Variants in WWOX observed in about 807,000 individuals in gnomAD.
WWOX encodes WW domain containing oxidoreductase, also known as WW domain-containing oxidoreductase.
In WWOX, 69 loss-of-function variants were observed where a neutral mutation model predicts 46.2. The ratio of observed to expected loss-of-function variants is 1.49; its 90% CI spans 1.23 to 1.82. The LOEUF is 1.82. Ranked by LOEUF, WWOX falls within the 40% of genes most tolerant of loss-of-function variation. The pLI is 0.00. For missense variants in WWOX, 919 were observed against 542.6 expected (o/e 1.69, Z -6.89); for synonymous variants, 359 against 202.6 (o/e 1.77, Z -6.56).
intron 6 of WWOX, among the ~76,000 whole-genome samples, chr16:78,400,806 A>G (rs1413233023): frequency 6.6e-6 from 1 of 152,204 alleles, no homozygotes; most frequent in Non-Finnish European, 1.5e-5. Context: ...CAACACTACA[A>G]TTCATATATC....
chr16:78,677,236 G>A (rs2738619), intron 8 of WWOX, among the ~76,000 whole-genome samples: 2 of 152,144 alleles, frequency 1.3e-5, no homozygotes, highest in South Asian at 2.1e-4. Flanking sequence ...CCCGGCCTCA[G>A]GGTATAGGGG....
At chr16:78,303,353 G>A (rs188503691) in intron 5 of WWOX, among the ~76,000 whole-genome samples, 19 of 152,194 alleles carry the variant, frequency 1.2e-4, no homozygotes, top group African/African-American at 4.6e-4. Flanking sequence ...ATGCGCTTTA[G>A]GTACCAGCCT....
At chr16:78,541,963 G>A (rs1181335412) in intron 8 of WWOX, among the ~76,000 whole-genome samples, 2 of 139,018 alleles carry the variant, frequency 1.4e-5, no homozygotes, top group African/African-American at 5.4e-5. Context: ...TATTTGCATG[G>A]ATTGGTGTCA....
chr16:78,489,937 C>T (rs2151459862), intron 8 of WWOX, among the ~76,000 whole-genome samples: 1 of 152,242 alleles, frequency 6.6e-6, no homozygotes, highest in African/African-American at 2.4e-5. Flanking sequence ...CTGGGGTAAG[C>T]TCTAACAAAG....
At chr16:79,055,625 A>G (rs942514963) in intron 8 of WWOX, among the ~76,000 whole-genome samples, 1 of 152,170 alleles carries the variant, frequency 6.6e-6, no homozygotes, top group Non-Finnish European at 1.5e-5. Context: ...AGAATAAACA[A>G]TTGCTATTTT....
intron 8 of WWOX, among the ~76,000 whole-genome samples, chr16:79,041,027 C>G (rs2047961328): frequency 6.6e-6 from 1 of 151,880 alleles, no homozygotes. Context: ...GTGCATTTCA[C>G]CGTTCTGAGC....
intron 6 of WWOX, among the ~76,000 whole-genome samples, chr16:78,412,486 A>T (rs1163370382): frequency 6.6e-6 from 1 of 152,182 alleles, no homozygotes; most frequent in African/African-American, 2.4e-5. Context: ...AAACTGCTGC[A>T]GGGAAGATTT....
At chr16:78,745,882 A>C (rs74474263) in intron 8 of WWOX, among the ~76,000 whole-genome samples, 5 of 152,036 alleles carry the variant, frequency 3.3e-5, no homozygotes, top group Non-Finnish European at 5.9e-5. Flanking sequence ...ATTGTATTTT[A>C]ATACTAGGAA....
At chr16:79,183,404 C>T (rs1017723377) in intron 8 of WWOX, among the ~76,000 whole-genome samples, 2 of 152,304 alleles carry the variant, frequency 1.3e-5, no homozygotes, top group East Asian at 3.9e-4. Flanking sequence ...AATGCTAGCG[C>T]AGATGACGTT....
chr16:78,884,085 C>T (rs970466266), intron 8 of WWOX, among the ~76,000 whole-genome samples: 2 of 151,942 alleles, frequency 1.3e-5, no homozygotes, highest in Non-Finnish European at 2.9e-5. Context: ...TCAAGACCAG[C>T]TGGGCCAACA....
intron 8 of WWOX, among the ~76,000 whole-genome samples, chr16:78,908,479 G>A (rs1289000658): frequency 6.6e-6 from 1 of 151,204 alleles, no homozygotes; most frequent in African/African-American, 2.4e-5. Flanking sequence ...GGCAGAGGCT[G>A]CAGTGAGTCG....
Position 79,074,409 on chromosome 16 carries a change from C to CT in WWOX, c.1057-137166dup, listed in dbSNP as rs60074156. 7.2e-3 allele frequency among the ~76,000 whole-genome samples: 223 copies of CT among 30,976 alleles called. 10 individuals carry two copies. Among genetic ancestry groups the CT allele is most frequent in the East Asian group, 0.046 (33 of 724 alleles). The allele number at this position is 30,976 out of a possible 152,430, so 20.3% of individuals were successfully genotyped here. A position where few individuals can be genotyped will look rare whatever the true frequency, so the allele number is the denominator to read the frequency against. ...CATCCTGACTGAAATGTCACTAGTC[C>CT]TTTTTTTTTTTTTTTTTTTTTTTTT... is the stretch of plus-strand genomic sequence containing the variant. On this transcript the variant is annotated intron_variant, in intron 8 of 8. Coordinates refer to ENST00000566780, the MANE Select transcript of WWOX (RefSeq NM_016373.4).
intron 8 of WWOX, among the ~76,000 whole-genome samples, chr16:78,527,376 C>T (rs1471896872): frequency 6.6e-6 from 1 of 151,618 alleles, no homozygotes; most frequent in African/African-American, 2.4e-5. Flanking sequence ...TCACTGCCAC[C>T]TCTGCCTCCT....
intron 8 of WWOX, among the ~76,000 whole-genome samples, chr16:78,529,757 A>G (rs752378082): frequency 1.3e-5 from 2 of 152,128 alleles, no homozygotes; most frequent in Non-Finnish European, 2.9e-5. Context: ...GTGAGCCACC[A>G]TGCCCAGCCC....
intron 8 of WWOX, among the ~76,000 whole-genome samples, chr16:78,796,914 C>T (rs1289682826): frequency 1.3e-5 from 2 of 151,756 alleles, no homozygotes; most frequent in African/African-American, 2.4e-5. Flanking sequence ...CAAATTCTGC[C>T]TGCTAAGATC....
At chr16:78,436,632 T>C (rs773980491) in intron 8 of WWOX, among the ~76,000 whole-genome samples, 3 of 152,172 alleles carry the variant, frequency 2.0e-5, no homozygotes, top group Non-Finnish European at 4.4e-5. Flanking sequence ...AATACGTCAC[T>C]TCATGCAGAG....
chr16:78,185,070 A>G (rs2035654169), intron 5 of WWOX, among the ~76,000 whole-genome samples: 1 of 152,160 alleles, frequency 6.6e-6, no homozygotes, highest in East Asian at 1.9e-4. Flanking sequence ...CTCTGGCTCA[A>G]AAGTGACTCC....
intron 4 of WWOX, among the ~76,000 whole-genome samples, chr16:78,160,176 A>C (rs961007483): frequency 2.0e-5 from 3 of 150,394 alleles, no homozygotes; most frequent in Non-Finnish European, 4.4e-5. Context: ...TTAGATCATC[A>C]TTTTTTCTTT....
At position 79,128,632 on chromosome 16, in the gene WWOX, A is replaced by G. The variant is rs141335997; in HGVS notation, c.1057-82976A>G. Among the ~76,000 whole-genome samples, 1,168 of 152,296 alleles carry G rather than the reference A, an allele frequency of 7.7e-3. 16 individuals are homozygous for G. The highest frequency in any genetic ancestry group is 0.026 in the African/African-American group (1,072 of 41,572). On this transcript the variant is annotated intron_variant, in intron 8 of 8. Coordinates refer to ENST00000566780, the MANE Select transcript of WWOX (RefSeq NM_016373.4). ...GTGGCACAGAAGGGTCTGGGCATTT[A>G]TTTCCAAAGAATGATTTCACTCAAC...
Sources: gnomAD v4.1 joint callset for allele counts (sites outside exome capture counted in the v4.1 genomes callset) on GRCh38, gnomAD v4.1.1 for gene constraint, MANE v1.5 for transcripts, NCBI Gene and HGNC (gene_info 2026-07-23, HGNC 2026-07-21) for gene names.